The following PHRF1 variants were observed in gnomAD, a reference collection of about 807,000 sequenced individuals.
The protein encoded by PHRF1 is PHD and RING finger domain-containing protein 1.
A neutral mutation model predicts 128.9 loss-of-function variants in PHRF1; 53 were observed. The ratio of observed to expected loss-of-function variants is 0.41; its 90% confidence interval spans 0.33 to 0.52. The LOEUF (loss-of-function observed/expected upper bound fraction) is 0.52, where lower values mean the gene tolerates loss of function less well. PHRF1 is among the 20% of genes least tolerant of loss of function. PHRF1 has a pLI of 0.21. For missense variants in PHRF1, 2,503 were observed against 2,284.5 expected (o/e 1.10, Z -1.95); for synonymous variants, 1,178 against 980.6 (o/e 1.20, Z -3.76).
At chr11:582,307 C>T (rs1169102731) in intron 3 of PHRF1, among the ~76,000 whole-genome samples, 3 of 150,170 alleles carry the variant, frequency 2.0e-5, no homozygotes, top group African/African-American at 7.4e-5. Flanking sequence ...CTCTGTTGCC[C>T]AGGCTGGAGT....
At chr11:603,389 G>A (rs1449673599) in intron 10 of PHRF1, among the ~76,000 whole-genome samples, 1 of 152,054 alleles carries the variant, frequency 6.6e-6, no homozygotes, top group Non-Finnish European at 1.5e-5. Flanking sequence ...CTGGAGTGCA[G>A]TGACATGATC....
chr11:605,420 A>G (rs1589895466), intron 11 of PHRF1, 120 bp downstream of exon 11: 2 of 1,483,246 alleles, frequency 1.3e-6, no homozygotes. Flanking sequence ...GAGGGTGGCC[A>G]TTCCTCCCAC....
At chr11:590,516 G>T (rs1034787038) in intron 4 of PHRF1, among the ~76,000 whole-genome samples, 2 of 152,170 alleles carry the variant, frequency 1.3e-5, no homozygotes, top group African/African-American at 4.8e-5. Flanking sequence ...AGGGCCCGAA[G>T]ACCAGGGTGG....
chr11:584,229 C>G (rs1253715749), intron 3 of PHRF1, among the ~76,000 whole-genome samples: 1 of 152,216 alleles, frequency 6.6e-6, no homozygotes, highest in African/African-American at 2.4e-5. Flanking sequence ...TCTGGTTCAT[C>G]TGTAGTAGGT....
chr11:597,415 GAGGAGGTC>G lies in PHRF1; in HGVS notation c.740_747del (p.Glu247ValfsTer6). ...CCCAGATGCGGGTCCCGTGAGTGAGGAGGAGGTCTCCCTGCTCTTGGCTGATGTGGTGC... is the reference window on the plus strand; with the variant it reads ...CCCAGATGCGGGTCCCGTGAGTGAGGTCCCTGCTCTTGGCTGATGTGGTGC... On this transcript the variant is annotated frameshift_variant, in exon 8 of 18. Coordinates refer to ENST00000264555, the MANE Select transcript of PHRF1 (RefSeq NM_001286581.2). LOFTEE classifies it high-confidence loss of function. This position sits in a 1 kb window ranked among gnomAD's most constrained non-coding sequence, Gnocchi z 6.5. 1 of 1,613,016 alleles carries G rather than the reference GAGGAGGTC, an allele frequency of 6.2e-7. No homozygotes were observed. The highest frequency in any genetic ancestry group is 8.5e-7 in the Non-Finnish European group (1 of 1,179,540).
Position 605,280 on chromosome 11 carries a change from T to C in PHRF1, c.1314T>C (p.Tyr438=), listed in dbSNP as rs1855875046. The change falls in exon 11 of 18, where the codon TAT becomes TAC. Residue 438 remains tyrosine, a synonymous_variant. Transcript: ENST00000264555. The stretch of plus-strand genomic sequence containing the variant: ...CTCTGTCTCTGTTTGGAGATCCTTA[T>C]GAGCTGGATCCCTTCGACAGGTGAG... ...AASLSLFGDP[Y]ELDPFDSSEE... 1.2e-6 allele frequency: 2 copies of C among 1,613,648 alleles called. No homozygotes were observed. Among genetic ancestry groups the C allele is most frequent in the Non-Finnish European group, 1.7e-6 (2 of 1,179,820 alleles).
chr11:607,667 G>A lies in PHRF1; in HGVS notation c.2211G>A (p.Val737=), dbSNP rs760158031. ...CAGAGAGCGAGGCCAGCAGCAGGGT[G>A]CCCCGGGAGCCCGGGGTGCACACGG... The part of the protein sequence containing the change: ...TRAESEASSR[V]PREPGVHTGS... Residue 737 remains valine, a synonymous_variant, in exon 14 of 18, where the codon GTG becomes GTA. Coordinates refer to ENST00000264555, the MANE Select transcript of PHRF1 (RefSeq NM_001286581.2). The A allele has an allele frequency of 2.5e-6, 4 of 1,610,106 alleles. No individual in the cohort carries two copies. Among genetic ancestry groups the A allele is most frequent in the South Asian group, 2.2e-5 (2 of 90,936 alleles).
Position 592,601 on chromosome 11 carries a change from C to G in PHRF1, c.547C>G (p.Pro183Ala). The change falls in exon 6 of 18, where the codon CCG becomes GCG. Residue 183 changes from proline to alanine, a missense_variant. By Grantham distance (27) the Pro-to-Ala change is conservative (BLOSUM62 -1). Coordinates refer to ENST00000264555, the MANE Select transcript of PHRF1 (RefSeq NM_001286581.2). ...NTKASEEEED[P>A]TFCEVCGRSD... Reference sequence around the variant, plus strand: ...CAAAGCGAGCGAGGAGGAGGAGGACCCGACCTTCTGTGAGGTGTGCGGCAG... The same window carrying G: ...CAAAGCGAGCGAGGAGGAGGAGGACGCGACCTTCTGTGAGGTGTGCGGCAG... 1 of 1,614,040 alleles carries G rather than the reference C, an allele frequency of 6.2e-7. No homozygotes were observed. Among genetic ancestry groups the G allele is most frequent in the South Asian group, 1.1e-5 (1 of 91,086 alleles).
intron 3 of PHRF1, 43 bp from the exon 4 acceptor site, chr11:587,216 G>A (rs370510255): frequency 1.7e-5 from 27 of 1,594,436 alleles, no homozygotes; most frequent in African/African-American, 1.3e-4. Flanking sequence ...CGCGGTTCAC[G>A]CTGCCCATCC....
At chr11:600,495 T>TAAATAAATAAATAAATATACATATATAC (rs749599842) in intron 9 of PHRF1, among the ~76,000 whole-genome samples, 1 of 38,980 alleles carries the variant, frequency 2.6e-5, no homozygotes, top group African/African-American at 5.2e-5. Context: ...TCTCCAAAAA[T>TAAATAAATAAATAAATATACATATATAC]ATATATATAT....
intron 1 of PHRF1, among the ~76,000 whole-genome samples, chr11:580,845 C>G (rs899395412): frequency 6.6e-6 from 1 of 152,008 alleles, no homozygotes; most frequent in Non-Finnish European, 1.5e-5. Flanking sequence ...CCCGCCACCA[C>G]GCCTGGCTAA....
In PHRF1 at chr11:597,590, C is replaced by T. The variant is rs771009535; in HGVS notation, c.894+20C>T. On this transcript the variant is annotated intron_variant, in intron 8 of 17. Coordinates refer to ENST00000264555, the MANE Select transcript of PHRF1 (RefSeq NM_001286581.2). The surrounding 1 kb of genome is among the most constrained non-coding windows in gnomAD (Gnocchi z 6.5). ...GTCCAGGTGGGTGGCCCAGCCCTGA[C>T]GCCAGTCGTAGAACCCCAGCTGCCC... 3.1e-6 allele frequency: 5 copies of T among 1,601,812 alleles called. No individual in the cohort carries two copies. Among genetic ancestry groups the T allele is most frequent in the Non-Finnish European group, 4.3e-6 (5 of 1,175,130 alleles).
rs547427892 is a variant in PHRF1, at chr11:608,726, G to T, written c.3270G>T (p.Arg1090=). The change falls in exon 14 of 18, where the codon CGG becomes CGT. Residue 1090 remains arginine, a synonymous_variant. Coordinates refer to ENST00000264555, the MANE Select transcript of PHRF1 (RefSeq NM_001286581.2). ...GPWGHSRRTS[R]SRSGSPGSSS... The stretch of plus-strand genomic sequence containing the variant: ...GGGGCCACAGCCGGAGGACGTCCCG[G>T]TCGCGGTCGGGGAGCCCTGGCAGCT... 1 of 1,611,472 alleles carries T rather than the reference G, an allele frequency of 6.2e-7. No homozygotes were observed. The highest frequency in any genetic ancestry group is 1.1e-5 in the South Asian group (1 of 90,958).
chr11:602,849 A>AC (rs1855719853), intron 10 of PHRF1, among the ~76,000 whole-genome samples: 1 of 142,880 alleles, frequency 7.0e-6, no homozygotes, highest in South Asian at 2.3e-4. Flanking sequence ...TGCACCCTCC[A>AC]CCTCCCGGGT....
At position 609,070 on chromosome 11, in the gene PHRF1, C is replaced by T. The variant is rs1358758566; in HGVS notation, c.3614C>T (p.Pro1205Leu). The change falls in exon 14 of 18, where the codon CCC (proline) becomes CTC (leucine). Residue 1205 changes from proline to leucine, a missense_variant. Coordinates refer to ENST00000264555, the MANE Select transcript of PHRF1 (RefSeq NM_001286581.2). ...KGAVREASPA[P>L]LAQGEPGRED... Reference sequence around the variant, plus strand: ...GCTGTGAGGGAGGCTTCCCCAGCGCCCCTTGCACAGGGGGAGCCAGGGCGG... The same window carrying T: ...GCTGTGAGGGAGGCTTCCCCAGCGCTCCTTGCACAGGGGGAGCCAGGGCGG... The T allele has an allele frequency of 6.2e-7, 1 of 1,600,348 alleles. No individual in the cohort carries two copies. Among genetic ancestry groups the T allele is most frequent in the Non-Finnish European group, 8.5e-7 (1 of 1,174,012 alleles).
rs1589896186 is a variant in PHRF1 at position 605,809 on chromosome 11, G to A, written c.1454+85G>A. 3 of 1,477,950 alleles carry A rather than the reference G, an allele frequency of 2.0e-6. No individual in the cohort carries two copies. In the African/African-American group the frequency reaches 4.2e-5, roughly 21 times the overall value. The allele number at this position is 1,477,950 out of a possible 1,614,324, so 91.6% of individuals were successfully genotyped here. A position where few individuals can be genotyped will look rare whatever the true frequency, so the allele number is the denominator to read the frequency against. On this transcript the variant is annotated intron_variant, in intron 12 of 17. Transcript: ENST00000264555. ...TTCTAGGGTGGGGCCGTGATAGCCTGGCTCTCTGTGGCCCTGGGTGGCGTC... is the reference window on the plus strand; with the variant it reads ...TTCTAGGGTGGGGCCGTGATAGCCTAGCTCTCTGTGGCCCTGGGTGGCGTC...
intron 4 of PHRF1, 89 bp from the exon 5 acceptor site, chr11:591,295 G>T: frequency 8.6e-7 from 1 of 1,168,478 alleles, no homozygotes; most frequent in South Asian, 1.4e-5. Flanking sequence ...GAGGCATTTA[G>T]CAGATACTTG....
intron 13 of PHRF1, 92 bp downstream of exon 13, chr11:606,688 G>A (rs1339033567): frequency 1.4e-6 from 2 of 1,460,588 alleles, no homozygotes; most frequent in African/African-American, 2.8e-5. Flanking sequence ...AGTCACGGAA[G>A]ATGTAGCTGA....
In PHRF1 at chr11:612,062, C is replaced by T. The variant is rs1856441903; in HGVS notation, c.*285C>T. ...TCAAAAATGGATTATCTTTAGAAAC[C>T]TCTTGATTGACTTACTACTTGGAAG... On this transcript the variant is annotated 3_prime_UTR_variant, in exon 18 of 18. Transcript: ENST00000264555. 2.1e-6 allele frequency: 1 copy of T among 472,512 alleles called. No individual in the cohort carries two copies. Among genetic ancestry groups the T allele is most frequent in the Admixed American group, 3.9e-5 (1 of 25,882 alleles). The allele number at this position is 472,512 out of a possible 1,614,324, so 29.3% of individuals were successfully genotyped here. A position where few individuals can be genotyped will look rare whatever the true frequency, so the allele number is the denominator to read the frequency against.
Sources: allele counts gnomAD v4.1 joint callset (sites outside exome capture counted in the v4.1 genomes callset), GRCh38; gene constraint gnomAD v4.1.1; non-coding constraint Gnocchi (gnomAD v3.1); transcripts MANE v1.5; gene names NCBI Gene and HGNC (gene_info 2026-07-23, HGNC 2026-07-21).